KLHL32: variants seen among roughly 807,000 people sequenced by gnomAD.
KLHL32 encodes kelch like family member 32, also known as kelch-like protein 32.
KLHL32 carries 35 observed loss-of-function variants against 64.8 expected under a neutral mutation model. The observed-to-expected ratio is 0.54, with a 90% CI of 0.41 to 0.72. The LOEUF is 0.72. Among genes scored for constraint, KLHL32 ranks in the 30% least tolerant of loss-of-function variants. The pLI is 0.00. For missense variants in KLHL32, 589 were observed against 768.5 expected, an observed-to-expected ratio of 0.77 and a Z score of 2.76; for synonymous variants, 259 against 281.0, an observed-to-expected ratio of 0.92 and a Z score of 0.78.
At chr6:97,002,148 CTGAGTA>C (rs1050881759) in intron 3 of KLHL32, among the ~76,000 whole-genome samples, 6 of 152,186 alleles carry the variant, frequency 3.9e-5, no homozygotes, top group Non-Finnish European at 8.8e-5. Flanking sequence ...AAGTTCCAGT[CTGAGTA>C]TAAGTCCAAA....
chr6:97,065,100 C>A (rs1401944291), intron 5 of KLHL32, among the ~76,000 whole-genome samples: 6 of 152,130 alleles, frequency 3.9e-5, no homozygotes, highest in Admixed American at 3.3e-4. Context: ...CAAGAAAAGT[C>A]TAATAGTCAT....
At chr6:97,051,993 A>C (rs778148491) in intron 4 of KLHL32, among the ~76,000 whole-genome samples, 2 of 152,204 alleles carry the variant, frequency 1.3e-5, no homozygotes, top group Non-Finnish European at 2.9e-5. Context: ...CTCAACCTCA[A>C]CTGTCAGTCC....
At chr6:96,937,630 A>G (rs1770771502) in intron 1 of KLHL32, among the ~76,000 whole-genome samples, 1 of 152,092 alleles carries the variant, frequency 6.6e-6, no homozygotes, top group African/African-American at 2.4e-5. Flanking sequence ...TCAGTTGTGG[A>G]GGAGAGCATG....
intron 1 of KLHL32, among the ~76,000 whole-genome samples, chr6:96,948,306 T>C (rs190831925): frequency 8.0e-4 from 122 of 152,268 alleles, no homozygotes; most frequent in African/African-American, 2.8e-3. Context: ...TACGTCAAAC[T>C]TGAGGTTGGT....
intron 3 of KLHL32, among the ~76,000 whole-genome samples, chr6:96,977,411 G>T (rs1233423395): frequency 6.6e-6 from 1 of 152,108 alleles, no homozygotes; most frequent in African/African-American, 2.4e-5. Context: ...ACAATTATTA[G>T]CCAGAATGTT....
Position 96,993,368 on chromosome 6 carries a change from G to A in KLHL32, c.204+17191G>A, listed in dbSNP as rs572926429. On this transcript the variant is annotated intron_variant, in intron 3 of 10. Coordinates refer to ENST00000369261, the MANE Select transcript of KLHL32 (RefSeq NM_052904.4). ...TAGGCTGTTGGTTGGGGTGGTAAGG[G>A]AAGCTGGGCCATGTATTTAGAAACT... 1.1e-4 allele frequency among the ~76,000 whole-genome samples: 17 copies of A among 152,272 alleles called. No homozygotes were observed. In the South Asian group the frequency reaches 2.5e-3, roughly 22 times the overall value.
At chr6:97,013,401 T>C (rs1356227179) in intron 3 of KLHL32, among the ~76,000 whole-genome samples, 1 of 152,198 alleles carries the variant, frequency 6.6e-6, no homozygotes, top group Non-Finnish European at 1.5e-5. Flanking sequence ...GTACCTGTTT[T>C]GTTATTCCAT....
rs76996219 is a variant in KLHL32, at chr6:96,969,387, A to G, written c.23+2304A>G. 8.7e-3 allele frequency among the ~76,000 whole-genome samples: 1,322 copies of G among 152,234 alleles called. 20 individuals are homozygous for G. The highest frequency in any genetic ancestry group is 0.031 in the African/African-American group (1,270 of 41,546). ...TGGCCCTGCTACTTTCTACCAACCCATCCAGTCTTTCCTTTCCTCATTTTC... is the reference window on the plus strand; with the variant it reads ...TGGCCCTGCTACTTTCTACCAACCCGTCCAGTCTTTCCTTTCCTCATTTTC... On this transcript the variant is annotated intron_variant, in intron 2 of 10. Coordinates refer to ENST00000369261, the MANE Select transcript of KLHL32 (RefSeq NM_052904.4).
the KLHL32 span, among the ~76,000 whole-genome samples, chr6:96,900,676 A>G: frequency 6.6e-6 from 1 of 152,190 alleles, no homozygotes; most frequent in Admixed American, 6.5e-5. Context: ...TCTTTTGAAC[A>G]TAATTCAACA....
chr6:97,127,411 A>C lies in KLHL32; in HGVS notation c.1362A>C (p.Val454=). ...CATGTTAATCCATTACAGGTGGAGTAACTAATACGGCACAATATCAGAACA... is the reference window on the plus strand; with the variant it reads ...CATGTTAATCCATTACAGGTGGAGTCACTAATACGGCACAATATCAGAACA... ...ADGLLWISGG[V]TNTAQYQNRL... Residue 454 remains valine (V), a synonymous_variant, in exon 8 of 11, where the codon GTA becomes GTC. Transcript: ENST00000369261. 2 of 1,613,118 alleles carry C rather than the reference A, an allele frequency of 1.2e-6. No individual in the cohort carries two copies. Among genetic ancestry groups the C allele is most frequent in the Non-Finnish European group, 1.7e-6 (2 of 1,179,154 alleles).
At chr6:96,917,446 C>T in the KLHL32 span, among the ~76,000 whole-genome samples, 1 of 152,208 alleles carries the variant, frequency 6.6e-6, no homozygotes, top group Non-Finnish European at 1.5e-5. Context: ...GGTCTACTGT[C>T]TGACCTGAGG....
At chr6:97,055,742 G>GCAC (rs1388596474) in intron 4 of KLHL32, among the ~76,000 whole-genome samples, 112 of 144,578 alleles carry the variant, frequency 7.7e-4, no homozygotes, top group Middle Eastern at 3.6e-3. Context: ...AGGTTGCAGT[G>GCAC]GGCCGATATC....
At chr6:97,060,325 G>A (rs1410183766) in intron 4 of KLHL32, among the ~76,000 whole-genome samples, 3 of 152,134 alleles carry the variant, frequency 2.0e-5, no homozygotes, top group Non-Finnish European at 2.9e-5. Context: ...TAAGGGAGAG[G>A]GAAAATAAAG....
chr6:96,954,694 G>A (rs1773053706), intron 1 of KLHL32, among the ~76,000 whole-genome samples: 1 of 152,096 alleles, frequency 6.6e-6, no homozygotes, highest in Admixed American at 6.6e-5. Flanking sequence ...ACCCTCTACT[G>A]AACGTGGCAT....
intron 1 of KLHL32, among the ~76,000 whole-genome samples, chr6:96,928,187 T>C (rs1168934155): frequency 6.6e-6 from 1 of 152,184 alleles, no homozygotes; most frequent in Non-Finnish European, 1.5e-5. Flanking sequence ...GTTCTGATTG[T>C]GGAGATCAGG....
Position 97,038,077 on chromosome 6 carries a change from A to G in KLHL32, c.205-3415A>G, listed in dbSNP as rs78148679. Among the ~76,000 whole-genome samples the G allele has an allele frequency of 1.4e-3, 214 of 152,310 alleles. 1 individual carries two copies. Among genetic ancestry groups the G allele is most frequent in the African/African-American group, 5.0e-3 (207 of 41,558 alleles). On this transcript the variant is annotated intron_variant, in intron 3 of 10. Transcript: ENST00000369261. The stretch of plus-strand genomic sequence containing the variant: ...CCAACTATGAAATAACTAGAAGACA[A>G]TATTGGGGAAATGCTCCAGGACATT...
chr6:97,101,331 C>T (rs1288108942), intron 6 of KLHL32, among the ~76,000 whole-genome samples: 1 of 152,040 alleles, frequency 6.6e-6, no homozygotes, highest in Non-Finnish European at 1.5e-5. Flanking sequence ...AGGATTACCT[C>T]CAACAATTCC....
intron 5 of KLHL32, among the ~76,000 whole-genome samples, chr6:97,072,160 G>T (rs1426189611): frequency 6.6e-6 from 1 of 151,988 alleles, no homozygotes; most frequent in Non-Finnish European, 1.5e-5. Flanking sequence ...ATCTCCTTGA[G>T]CCCCACATAC....
intron 3 of KLHL32, among the ~76,000 whole-genome samples, chr6:96,981,944 T>C (rs973112294): frequency 6.6e-6 from 1 of 152,146 alleles, no homozygotes; most frequent in Admixed American, 6.6e-5. Flanking sequence ...TTTTTTTTAA[T>C]TTGCTGAGGA....
Sources: allele counts gnomAD v4.1 joint callset (sites outside exome capture counted in the v4.1 genomes callset), GRCh38; gene constraint gnomAD v4.1.1; transcripts MANE v1.5; gene names NCBI Gene and HGNC (gene_info 2026-07-23, HGNC 2026-07-21).